Variants in EPB41L3 observed in about 807,000 individuals in gnomAD.
The protein encoded by EPB41L3 is band 4.1-like protein 3.
EPB41L3 carries 57 observed loss-of-function variants against 127.1 expected under a neutral mutation model. That is an observed-to-expected ratio of 0.45 (90% CI 0.36 to 0.56). The LOEUF (loss-of-function observed/expected upper bound fraction) is 0.56, where lower values mean the gene tolerates loss of function less well. Ranked by LOEUF, EPB41L3 falls within the 20% of genes least tolerant of loss-of-function variation. EPB41L3 has a pLI of 0.00. For synonymous variants in EPB41L3, 572 were observed against 549.5 expected (o/e 1.04, Z -0.57); for missense variants, 1,273 against 1,372.2 (o/e 0.93, Z 1.14).
intron 3 of EPB41L3, among the ~76,000 whole-genome samples, chr18:5,595,044 T>G (rs758485988): frequency 1.3e-5 from 2 of 152,156 alleles, no homozygotes; most frequent in Non-Finnish European, 2.9e-5. Flanking sequence ...CATTGTTAGA[T>G]CTCTAAAAAT....
intron 1 of EPB41L3, among the ~76,000 whole-genome samples, chr18:5,490,352 T>A (rs774503044): frequency 2.3e-4 from 35 of 152,320 alleles, no homozygotes; most frequent in Middle Eastern, 3.4e-3. Context: ...ATATAATTGG[T>A]ATAATATAGA....
At chr18:5,456,618 A>T (rs947337094) in intron 3 of EPB41L3, among the ~76,000 whole-genome samples, 2 of 152,120 alleles carry the variant, frequency 1.3e-5, no homozygotes, top group African/African-American at 4.8e-5. Flanking sequence ...AAATATTTTG[A>T]TTCTGTATAC....
intron 21 of EPB41L3, 87 bp downstream of exon 21, chr18:5,394,980 G>T: frequency 7.4e-7 from 1 of 1,353,548 alleles, no homozygotes; most frequent in Non-Finnish European, 1.1e-6. Context: ...AATACATGCT[G>T]GACTAGAGGA....
chr18:5,452,481 C>T (rs2082413223), intron 3 of EPB41L3, among the ~76,000 whole-genome samples: 1 of 151,834 alleles, frequency 6.6e-6, no homozygotes, highest in Non-Finnish European at 1.5e-5. Context: ...AGCAATCCTC[C>T]CACCCCAGTC....
At chr18:5,412,772 TCA>T (rs1361287163) in intron 13 of EPB41L3, among the ~76,000 whole-genome samples, 1 of 151,774 alleles carries the variant, frequency 6.6e-6, no homozygotes, top group African/African-American at 2.4e-5. Flanking sequence ...TATTTTAATC[TCA>T]GTTTCCTTCC....
At chr18:5,441,012 G>GAATA (rs2080634174) in intron 5 of EPB41L3, among the ~76,000 whole-genome samples, 1 of 152,072 alleles carries the variant, frequency 6.6e-6, no homozygotes, top group Admixed American at 6.6e-5. Flanking sequence ...TAGTAGCCAG[G>GAATA]ACTAACTAAC....
intron 3 of EPB41L3, among the ~76,000 whole-genome samples, chr18:5,446,610 G>A (rs1055695476): frequency 1.3e-5 from 2 of 152,228 alleles, no homozygotes; most frequent in African/African-American, 4.8e-5. Context: ...CAAAAGACCT[G>A]TGAGTCGTGT....
At chr18:5,618,435 G>C (rs1443054473) in intron 1 of EPB41L3, among the ~76,000 whole-genome samples, 1 of 152,182 alleles carries the variant, frequency 6.6e-6, no homozygotes, top group African/African-American at 2.4e-5. Context: ...TAAGACCATG[G>C]ACTAAAGAAG....
In EPB41L3 at chr18:5,393,423, G is replaced by A. The variant is rs750831541; in HGVS notation, c.*62C>T. Reference sequence around the variant, plus strand: ...GGTTAGAAGAGGGAACTCCATATAGGCTCTGGTTTTCCTAACGGTTTGCAT... The same window carrying A: ...GGTTAGAAGAGGGAACTCCATATAGACTCTGGTTTTCCTAACGGTTTGCAT... On this transcript the variant is annotated 3_prime_UTR_variant, in exon 23 of 23. Transcript: ENST00000341928. The A allele has an allele frequency of 7.1e-4, 497 of 697,718 alleles. 5 individuals are homozygous for A. In the East Asian group the frequency reaches 0.013, roughly 18 times the overall value. The allele number at this position is 697,718 out of a possible 1,614,324, so 43.2% of individuals were successfully genotyped here.
rs1461584618 is a variant in EPB41L3, at chr18:5,443,860, C to T, written c.507G>A (p.Lys169=). 16 of 1,607,568 alleles carry T rather than the reference C, an allele frequency of 1.0e-5. No individual in the cohort carries two copies. The Admixed American group carries it at 1.4e-4, about 14-fold the overall frequency. The change falls in exon 5 of 23, where the codon AAG becomes AAA. Residue 169 remains lysine, a synonymous_variant. Coordinates refer to ENST00000341928, the MANE Select transcript of EPB41L3 (RefSeq NM_012307.5). ...ENQKNWLDPA[K]EIKKQVRSGA... ...TACTTCGAACCTGTTTTTTTATTTCCTTAGCAGGGTCCAACCAATTCTGAA... is the reference window on the plus strand; with the variant it reads ...TACTTCGAACCTGTTTTTTTATTTCTTTAGCAGGGTCCAACCAATTCTGAA...
At chr18:5,535,652 A>T (rs2148983189) in intron 1 of EPB41L3, among the ~76,000 whole-genome samples, 1 of 152,256 alleles carries the variant, frequency 6.6e-6, no homozygotes, top group Non-Finnish European at 1.5e-5. Context: ...GCATCATCTC[A>T]CAGAAGCCTG....
At chr18:5,545,507 G>A (rs943706904), upstream of EPB41L3, among the ~76,000 whole-genome samples, 1 of 152,174 alleles carries the variant, frequency 6.6e-6, no homozygotes, top group Non-Finnish European at 1.5e-5. Context: ...TGTTGAAGAG[G>A]GAGAAGGTTG....
At chr18:5,606,003 G>A (rs2094647864) in intron 3 of EPB41L3, among the ~76,000 whole-genome samples, 1 of 152,118 alleles carries the variant, frequency 6.6e-6, no homozygotes, top group Admixed American at 6.5e-5. Flanking sequence ...ACACACCAAT[G>A]GGCATGTGGG....
chr18:5,405,257 A>C (rs1426841661), intron 16 of EPB41L3, among the ~76,000 whole-genome samples: 2 of 152,226 alleles, frequency 1.3e-5, no homozygotes, highest in African/African-American at 2.4e-5. Flanking sequence ...CTGTTTAAAG[A>C]ATTTTTCTCT....
chr18:5,536,500 T>C (rs1327855046), intron 1 of EPB41L3, among the ~76,000 whole-genome samples: 1 of 141,660 alleles, frequency 7.1e-6, no homozygotes, highest in African/African-American at 2.7e-5. Context: ...TACTGTTACA[T>C]TTAAAAAAAA....
intron 22 of EPB41L3, chr18:5,393,884 C>G (rs1268435877): frequency 5.8e-6 from 1 of 173,130 alleles, no homozygotes; most frequent in Non-Finnish European, 1.2e-5. Flanking sequence ...CTGCATTCAG[C>G]ATTCAAAGCC....
At chr18:5,481,910 C>T (rs889113025) in intron 2 of EPB41L3, among the ~76,000 whole-genome samples, 5 of 152,016 alleles carry the variant, frequency 3.3e-5, no homozygotes, top group African/African-American at 1.2e-4. Context: ...CAAACATATC[C>T]AATAAAAAAC....
chr18:5,433,418 T>G (rs747169644), intron 8 of EPB41L3, 51 bp downstream of exon 8: 1 of 1,306,946 alleles, frequency 7.7e-7, no homozygotes, highest in Non-Finnish European at 1.1e-6. Flanking sequence ...AATAACAACA[T>G]CAAGTTACAT....
At chr18:5,589,226 G>C (rs2094465092) in intron 3 of EPB41L3, among the ~76,000 whole-genome samples, 1 of 151,964 alleles carries the variant, frequency 6.6e-6, no homozygotes, top group Non-Finnish European at 1.5e-5. Flanking sequence ...ATGATTACAG[G>C]AAACCATGAA....
Sources: gnomAD v4.1 joint callset for allele counts (sites outside exome capture counted in the v4.1 genomes callset) on GRCh38, gnomAD v4.1.1 for gene constraint, MANE v1.5 for transcripts, NCBI Gene and HGNC (gene_info 2026-07-23, HGNC 2026-07-21) for gene names.